Variants in TENM4 observed in about 807,000 individuals in gnomAD.
TENM4 encodes teneurin transmembrane protein 4, also known as teneurin-4.
In TENM4, 82 loss-of-function variants were observed where a neutral mutation model predicts 243.3. That is an observed-to-expected ratio of 0.34 (90% CI 0.28 to 0.40). The LOEUF (loss-of-function observed/expected upper bound fraction) is 0.40. TENM4 is among the 10% of genes least tolerant of loss of function. The pLI, the probability that TENM4 is intolerant of heterozygous loss-of-function variation, is 1.00. For missense variants in TENM4, 3,138 were observed against 3,673.3 expected, an observed-to-expected ratio of 0.85 and a Z score of 3.77; for synonymous variants, 1,412 against 1,456.3, an observed-to-expected ratio of 0.97 and a Z score of 0.69.
intron 17 of TENM4, among the ~76,000 whole-genome samples, chr11:78,773,084 A>G (rs1480791321): frequency 6.6e-6 from 1 of 152,226 alleles, no homozygotes; most frequent in Non-Finnish European, 1.5e-5. Context: ...AATTAGTCTC[A>G]TGTCAATTTT....
At chr11:79,118,289 T>C (rs1489953412) in intron 4 of TENM4, among the ~76,000 whole-genome samples, 1 of 152,226 alleles carries the variant, frequency 6.6e-6, no homozygotes, top group Non-Finnish European at 1.5e-5. Context: ...AAAGAAACAC[T>C]GTCAGGCACT....
intron 12 of TENM4, among the ~76,000 whole-genome samples, chr11:78,819,905 ACTC>A (rs1230407903): frequency 6.6e-6 from 1 of 152,012 alleles, no homozygotes; most frequent in African/African-American, 2.4e-5. Context: ...CTACCTTCTG[ACTC>A]CTCCTGGCTT....
At chr11:79,206,251 G>C (rs1406821389) in intron 3 of TENM4, among the ~76,000 whole-genome samples, 1 of 152,180 alleles carries the variant, frequency 6.6e-6, no homozygotes, top group African/African-American at 2.4e-5. Flanking sequence ...AAAAGCCAAG[G>C]GGACAGAATG....
Position 78,895,576 on chromosome 11 carries a change from C to T in TENM4, c.750-4240G>A, listed in dbSNP as rs150362430. Among the ~76,000 whole-genome samples, 408 of 152,212 alleles carry T rather than the reference C, an allele frequency of 2.7e-3. 3 individuals carry two copies. Among genetic ancestry groups the T allele is most frequent in the African/African-American group, 9.4e-3 (391 of 41,540 alleles). ...TCTCCTATCCACCCACTCCCCAAAA[C>T]TCTAGGTGTCTAGTTCTTCTGAGAA... On this transcript the variant is annotated intron_variant, in intron 7 of 33. Coordinates refer to ENST00000278550, the MANE Select transcript of TENM4 (RefSeq NM_001098816.3).
intron 4 of TENM4, among the ~76,000 whole-genome samples, chr11:79,084,599 T>G (rs527407169): frequency 1.3e-5 from 2 of 151,870 alleles, no homozygotes; most frequent in East Asian, 3.9e-4. Context: ...ACATAGCCAA[T>G]CGCCAAAGCT....
At chr11:79,010,847 C>T (rs1858625104) in intron 6 of TENM4, among the ~76,000 whole-genome samples, 1 of 152,110 alleles carries the variant, frequency 6.6e-6, no homozygotes, top group African/African-American at 2.4e-5. Flanking sequence ...GCAAAGGTCC[C>T]AGCAGAAAGC....
At chr11:79,262,788 C>A (rs1483177796) in intron 2 of TENM4, among the ~76,000 whole-genome samples, 1 of 152,162 alleles carries the variant, frequency 6.6e-6, no homozygotes, top group African/African-American at 2.4e-5. Flanking sequence ...ATCTCTGAGT[C>A]TTTTAAGTAT....
chr11:78,856,390 T>C (rs1434401911), intron 10 of TENM4, among the ~76,000 whole-genome samples: 1 of 152,118 alleles, frequency 6.6e-6, no homozygotes, highest in African/African-American at 2.4e-5. Context: ...GCTCAAATTA[T>C]TCTGCTAAAA....
chr11:79,010,587 G>A (rs1858619593), intron 6 of TENM4, among the ~76,000 whole-genome samples: 1 of 152,168 alleles, frequency 6.6e-6, no homozygotes, highest in Non-Finnish European at 1.5e-5. Context: ...GCAAGGAGGA[G>A]CAAGTCACAT....
intron 2 of TENM4, among the ~76,000 whole-genome samples, chr11:79,289,276 G>C (rs550503652): frequency 6.6e-6 from 1 of 152,210 alleles, no homozygotes; most frequent in Admixed American, 6.5e-5. Context: ...GTTTGCAGGG[G>C]AGTGGGAGAA....
intron 4 of TENM4, among the ~76,000 whole-genome samples, chr11:79,119,226 G>A (rs942123578): frequency 1.3e-5 from 2 of 152,082 alleles, no homozygotes; most frequent in Non-Finnish European, 2.9e-5. Context: ...CAGGTCTAGA[G>A]AAATAGAATT....
At chr11:79,023,363 C>A (rs866445382) in intron 6 of TENM4, among the ~76,000 whole-genome samples, 1 of 152,016 alleles carries the variant, frequency 6.6e-6, no homozygotes, top group Non-Finnish European at 1.5e-5. Context: ...AGTTCAAGAC[C>A]AGCCTGGCCA....
intron 4 of TENM4, among the ~76,000 whole-genome samples, chr11:79,111,837 G>T (rs569196694): frequency 5.9e-5 from 9 of 152,238 alleles, no homozygotes; most frequent in African/African-American, 1.7e-4. Context: ...GTGGGAGGGG[G>T]GTGGTCAAGA....
intron 6 of TENM4, among the ~76,000 whole-genome samples, chr11:78,930,636 C>G (rs1373280741): frequency 6.6e-6 from 1 of 152,226 alleles, no homozygotes; most frequent in Non-Finnish European, 1.5e-5. Flanking sequence ...CCCATGTGAA[C>G]TGGCCCGGGC....
chr11:78,720,530 A>C, intron 24 of TENM4, 140 bp from the exon 25 acceptor site: 1 of 827,724 alleles, frequency 1.2e-6, no homozygotes, highest in Non-Finnish European at 2.0e-6. Context: ...AGCAGCTGTG[A>C]CACTGATGTA....
intron 6 of TENM4, among the ~76,000 whole-genome samples, chr11:79,016,922 T>C (rs583359): frequency 0.32 from 48,282 of 152,124 alleles, 8,801 homozygotes; most frequent in Non-Finnish European, 0.41. Flanking sequence ...ACTTTTTGTA[T>C]GTTACTTTAC....
intron 1 of TENM4, among the ~76,000 whole-genome samples, chr11:79,399,045 A>G (rs1234247131): frequency 1.3e-5 from 2 of 152,210 alleles, no homozygotes; most frequent in African/African-American, 2.4e-5. Flanking sequence ...CTTCATTACA[A>G]AAGAACAGGA....
In TENM4 at chr11:79,251,005, T is replaced by C. The variant is rs146234135; in HGVS notation, c.-264-35096A>G. Among the ~76,000 whole-genome samples the C allele has an allele frequency of 5.5e-3, 830 of 152,250 alleles. 3 individuals carry two copies. The highest frequency in any genetic ancestry group is 7.2e-3 in the Non-Finnish European group (490 of 68,012). On this transcript the variant is annotated intron_variant, in intron 2 of 33. Coordinates refer to ENST00000278550, the MANE Select transcript of TENM4 (RefSeq NM_001098816.3). The stretch of plus-strand genomic sequence containing the variant: ...GATCTCTCTTCCCACCAAAACTATA[T>C]AGAAATGTGGTTCAAAATGAATTGG...
At chr11:79,435,778 A>G (rs760028410) in intron 1 of TENM4, among the ~76,000 whole-genome samples, 1 of 152,004 alleles carries the variant, frequency 6.6e-6, no homozygotes, top group African/African-American at 2.4e-5. Context: ...GGCATCTTAA[A>G]TTGAGTCTTT....
Sources: allele counts gnomAD v4.1 joint callset (sites outside exome capture counted in the v4.1 genomes callset), GRCh38; gene constraint gnomAD v4.1.1; transcripts MANE v1.5; gene names NCBI Gene and HGNC (gene_info 2026-07-23, HGNC 2026-07-21).